The following PDE11A variants were observed in gnomAD, a reference collection of about 807,000 sequenced individuals.
PDE11A encodes the protein dual 3',5'-cyclic-AMP and -GMP phosphodiesterase 11A.
A neutral mutation model predicts 100.5 loss-of-function variants in PDE11A; 100 were observed. That is an observed-to-expected ratio of 1.00 (90% confidence interval 0.85 to 1.18). The LOEUF is 1.18. Among genes scored for constraint, PDE11A ranks in the 50% most tolerant of loss-of-function variants. The pLI is 0.00. For synonymous variants in PDE11A, 381 were observed against 420.8 expected (o/e 0.91, Z 1.16); for missense variants, 1,141 against 1,152.6 (o/e 0.99, Z 0.15).
intron 1 of PDE11A, among the ~76,000 whole-genome samples, chr2:178,064,411 G>A (rs2105867881): frequency 6.6e-6 from 1 of 152,280 alleles, no homozygotes; most frequent in South Asian, 2.1e-4. Context: ...AACTTGAAGA[G>A]AATAAGGGAG....
chr2:177,968,177 AAAC>A (rs1287141923), intron 2 of PDE11A, among the ~76,000 whole-genome samples: 2 of 152,190 alleles, frequency 1.3e-5, no homozygotes, highest in South Asian at 2.1e-4. Flanking sequence ...ACAAACAAAC[AAAC>A]AACAACAAAA....
chr2:178,018,419 A>T, intron 1 of PDE11A: 1 of 374,350 alleles, frequency 2.7e-6, no homozygotes, highest in Non-Finnish European at 5.2e-6. Flanking sequence ...TTCAACTATC[A>T]TGATGGGGGC....
At chr2:177,936,935 T>A (rs200546623) in intron 2 of PDE11A, among the ~76,000 whole-genome samples, 39 of 125,838 alleles carry the variant, frequency 3.1e-4, no homozygotes, top group African/African-American at 9.4e-4. Context: ...AAAAAAAAAA[T>A]TTAAGGGATA....
chr2:178,051,319 C>T (rs1292015123), intron 1 of PDE11A, among the ~76,000 whole-genome samples: 1 of 152,150 alleles, frequency 6.6e-6, no homozygotes, highest in Non-Finnish European at 1.5e-5. Context: ...GAGATTTTGT[C>T]AACACCAGGC....
intron 9 of PDE11A, among the ~76,000 whole-genome samples, chr2:177,771,703 G>A (rs995982973): frequency 7.9e-5 from 12 of 152,028 alleles, no homozygotes; most frequent in African/African-American, 2.9e-4. Flanking sequence ...AAATTCATAG[G>A]TATATTTAAA....
intron 5 of PDE11A, among the ~76,000 whole-genome samples, chr2:177,872,606 C>T (rs941948279): frequency 2.0e-4 from 30 of 152,260 alleles, no homozygotes; most frequent in Non-Finnish European, 4.0e-4. Context: ...TACCCTGAAA[C>T]ATTGTTACAA....
chr2:177,990,041 A>G (rs1205422062), intron 2 of PDE11A, among the ~76,000 whole-genome samples: 2 of 152,182 alleles, frequency 1.3e-5, no homozygotes, highest in African/African-American at 4.8e-5. Context: ...TAAAACTCAC[A>G]CCACTCACTA....
rs1014363940 is a variant in PDE11A at position 177,624,733 on chromosome 2, T to C, written c.*4674A>G. ...AAATTAATGACTACCATTTATGGGA[T>C]ATGTGTGATATCAGATAATCTAAAA... On this transcript the variant is annotated 3_prime_UTR_variant, in exon 20 of 20. Coordinates refer to ENST00000286063, the MANE Select transcript of PDE11A (RefSeq NM_016953.4). 1 of 152,260 alleles carries C rather than the reference T, an allele frequency of 6.6e-6. No individual in the cohort carries two copies. Among genetic ancestry groups the C allele is most frequent in the Non-Finnish European group, 1.5e-5 (1 of 68,042 alleles). The allele number at this position is 152,260 out of a possible 1,614,324, so 9.4% of individuals were successfully genotyped here.
At chr2:178,007,626 G>A (rs1423400963) in intron 2 of PDE11A, among the ~76,000 whole-genome samples, 3 of 152,092 alleles carry the variant, frequency 2.0e-5, no homozygotes, top group African/African-American at 4.8e-5. Context: ...CAAATATAAC[G>A]AAATCATGAG....
chr2:178,100,335 G>A (rs1353719054), intron 2 of PDE11A, among the ~76,000 whole-genome samples: 1 of 152,150 alleles, frequency 6.6e-6, no homozygotes, highest in South Asian at 2.1e-4. Context: ...ATGGGACAAA[G>A]AATCTTTAAA....
chr2:177,789,354 A>C (rs1485917718), intron 9 of PDE11A, among the ~76,000 whole-genome samples: 5 of 151,974 alleles, frequency 3.3e-5, no homozygotes, highest in Admixed American at 3.3e-4. Context: ...CATGCTAAAA[A>C]CTCTCAATAA....
intron 2 of PDE11A, among the ~76,000 whole-genome samples, chr2:177,911,480 T>C (rs904250584): frequency 2.6e-5 from 4 of 152,188 alleles, no homozygotes; most frequent in African/African-American, 9.6e-5. Flanking sequence ...TGTTAGTTCA[T>C]ACCAAAATAT....
At chr2:177,875,583 A>T (rs368191548) in intron 5 of PDE11A, among the ~76,000 whole-genome samples, 27 of 151,508 alleles carry the variant, frequency 1.8e-4, no homozygotes, top group African/African-American at 6.5e-4. Context: ...GCATTTCACC[A>T]TGTTAGCCAG....
At chr2:178,005,976 C>T (rs1360914810) in intron 2 of PDE11A, among the ~76,000 whole-genome samples, 1 of 152,140 alleles carries the variant, frequency 6.6e-6, no homozygotes, top group East Asian at 1.9e-4. Flanking sequence ...CAGGAAATTA[C>T]AAATGCCAGT....
At chr2:177,755,093 G>A (rs1435748575) in intron 10 of PDE11A, among the ~76,000 whole-genome samples, 1 of 152,174 alleles carries the variant, frequency 6.6e-6, no homozygotes, top group Non-Finnish European at 1.5e-5. Flanking sequence ...AAGAGAAAGA[G>A]GCTGATCTGA....
chr2:177,762,936 T>C (rs3754996), intron 10 of PDE11A, among the ~76,000 whole-genome samples: 70,696 of 151,962 alleles, frequency 0.47, 18,906 homozygotes, highest in African/African-American at 0.74. Flanking sequence ...GGCTTGCAGA[T>C]CTGGTTCCCC....
intron 1 of PDE11A, among the ~76,000 whole-genome samples, chr2:178,015,730 A>G (rs1201211381): frequency 6.6e-6 from 1 of 152,108 alleles, no homozygotes; most frequent in Non-Finnish European, 1.5e-5. Context: ...ACTTTCAAGG[A>G]AGGAACGAAT....
intron 9 of PDE11A, among the ~76,000 whole-genome samples, chr2:177,790,495 C>T (rs191151067): frequency 0.54 from 81,848 of 150,850 alleles, 23,025 homozygotes; most frequent in African/African-American, 0.67. Context: ...ACTTCATGTC[C>T]AAAACACCAA....
intron 9 of PDE11A, among the ~76,000 whole-genome samples, chr2:177,811,992 GT>G (rs2082956171): frequency 6.6e-6 from 1 of 152,122 alleles, no homozygotes; most frequent in South Asian, 2.1e-4. Flanking sequence ...AGTCAGCATA[GT>G]CTTACAAGAA....
Sources: gnomAD v4.1 joint callset for allele counts (sites outside exome capture counted in the v4.1 genomes callset) on GRCh38, gnomAD v4.1.1 for gene constraint, MANE v1.5 for transcripts, NCBI Gene and HGNC (gene_info 2026-07-23, HGNC 2026-07-21) for gene names.